Variants in ZNF737 observed in about 807,000 individuals in gnomAD.
ZNF737 encodes the protein zinc finger protein 102 (Y3).
A neutral mutation model predicts 11.7 loss-of-function variants in ZNF737; 13 were observed. The observed-to-expected ratio is 1.11, with a 90% CI of 0.73 to 1.77. The LOEUF is 1.77. ZNF737 is among the 40% of genes most tolerant of loss of function. The pLI, the probability that ZNF737 is intolerant of heterozygous loss-of-function variation, is 0.00. For missense variants in ZNF737, 636 were observed against 638.0 expected, an observed-to-expected ratio of 1.00 and a Z score of 0.03; for synonymous variants, 217 against 216.2, an observed-to-expected ratio of 1.00 and a Z score of -0.03.
downstream of ZNF737, among the ~76,000 whole-genome samples, chr19:20,537,758 A>T (rs1968036361): frequency 2.0e-5 from 3 of 151,388 alleles, no homozygotes; most frequent in Non-Finnish European, 4.4e-5. Context: ...CTCTTGATCC[A>T]CCCACCTCGG....
intron 1 of ZNF737, among the ~76,000 whole-genome samples, chr19:20,556,881 AGG>A (rs1968908523): frequency 6.6e-6 from 1 of 152,212 alleles, no homozygotes; most frequent in Non-Finnish European, 1.5e-5. Context: ...ATAACACATT[AGG>A]TGATTTAATT....
At chr19:20,548,003 G>A (rs1371099408) in intron 3 of ZNF737, among the ~76,000 whole-genome samples, 1 of 152,068 alleles carries the variant, frequency 6.6e-6, no homozygotes, top group South Asian at 2.1e-4. Flanking sequence ...TTAGCTTGGC[G>A]ATGTGACGTG....
At chr19:20,531,042 A>G (rs1426163262), downstream of ZNF737, among the ~76,000 whole-genome samples, 3 of 146,946 alleles carry the variant, frequency 2.0e-5, no homozygotes, top group Non-Finnish European at 3.0e-5. Context: ...CCCGGCCAAC[A>G]CAGCAAAACC....
At chr19:20,561,892 C>T (rs1163857131) in intron 1 of ZNF737, among the ~76,000 whole-genome samples, 1 of 152,168 alleles carries the variant, frequency 6.6e-6, no homozygotes, top group African/African-American at 2.4e-5. Context: ...CAAACCACTG[C>T]AGTGATGTTT....
At chr19:20,557,618 ATTTTT>A (rs34710395) in intron 1 of ZNF737, among the ~76,000 whole-genome samples, 1 of 144,342 alleles carries the variant, frequency 6.9e-6, no homozygotes. Flanking sequence ...TTCTAGGGTA[ATTTTT>A]TTTTTTTTTT....
At chr19:20,534,760 C>T (rs1191111543), downstream of ZNF737, among the ~76,000 whole-genome samples, 1 of 149,708 alleles carries the variant, frequency 6.7e-6, no homozygotes, top group Non-Finnish European at 1.5e-5. Flanking sequence ...GATCAGTAGC[C>T]TCTTTCATAC....
the ZNF737 span, among the ~76,000 whole-genome samples, chr19:20,530,443 C>T: frequency 1.7e-4 from 25 of 149,530 alleles, no homozygotes; most frequent in Admixed American, 7.3e-4. Flanking sequence ...GGGTGGCTGC[C>T]GGGCGGAGAC....
downstream of ZNF737, among the ~76,000 whole-genome samples, chr19:20,534,492 C>CTAT (rs1967911313): frequency 1.1e-4 from 14 of 126,764 alleles, 1 homozygote; most frequent in African/African-American, 4.0e-4. Context: ...TATCTATCTA[C>CTAT]TGTCAGAGGA....
downstream of ZNF737, among the ~76,000 whole-genome samples, chr19:20,531,493 A>G (rs1225448735): frequency 1.3e-5 from 2 of 149,398 alleles, no homozygotes; most frequent in African/African-American, 5.0e-5. Context: ...GTCTTGCCCT[A>G]TTGCTTAGGA....
downstream of ZNF737, among the ~76,000 whole-genome samples, chr19:20,532,267 T>G (rs1338247630): frequency 4.7e-5 from 7 of 150,262 alleles, no homozygotes; most frequent in Admixed American, 4.6e-4. Flanking sequence ...TCACCTGGGC[T>G]GTGCAAACTG....
downstream of ZNF737, among the ~76,000 whole-genome samples, chr19:20,535,256 T>A: frequency 6.6e-6 from 1 of 151,690 alleles, no homozygotes; most frequent in Non-Finnish European, 1.5e-5. Flanking sequence ...CCAGCTTGGG[T>A]GACAGAATGA....
Position 20,538,134 on chromosome 19 carries a change from A to G in ZNF737, c.*6458T>C. 1.8e-6 allele frequency: 1 copy of G among 551,432 alleles called. No individual in the cohort carries two copies. 34.2% of individuals were successfully genotyped at this position (551,432 alleles called of 1,614,324 possible). On this transcript the variant is annotated 3_prime_UTR_variant, in exon 4 of 4. Coordinates refer to ENST00000427401, the MANE Select transcript of ZNF737 (RefSeq NM_001159293.2). ...TCAAAGACTTTTCTACCTAATTATG[A>G]ATAGTAACTTCTCTTAGAAGCAAAG...
intron 1 of ZNF737, among the ~76,000 whole-genome samples, chr19:20,557,765 T>C (rs1555761560): frequency 6.6e-6 from 1 of 151,872 alleles, no homozygotes; most frequent in Non-Finnish European, 1.5e-5. Context: ...TACAGGTGCA[T>C]GCCACCACGC....
In ZNF737 at chr19:20,544,946, A is replaced by G. The variant is rs1568426273; in HGVS notation, c.1257T>C (p.His419=). The change falls in exon 4 of 4, where the codon CAT becomes CAC. Residue 419 remains histidine (H), a synonymous_variant. Coordinates refer to ENST00000427401, the MANE Select transcript of ZNF737 (RefSeq NM_001159293.2). ...CACACTTGAAGGGTTGCTGTCCAGT[A>G]TGGATTATCTTATGTGTAGTAAGGG... The part of the protein sequence containing the change: ...SSSLTTHKII[H]TGQQPFKCEE... 6.2e-7 allele frequency: 1 copy of G among 1,612,946 alleles called. No individual in the cohort carries two copies. The highest frequency in any genetic ancestry group is 1.1e-5 in the South Asian group (1 of 90,922).
chr19:20,565,230 C>CG (rs1969251387), intron 1 of ZNF737, among the ~76,000 whole-genome samples: 4 of 152,152 alleles, frequency 2.6e-5, no homozygotes, highest in African/African-American at 9.7e-5. Context: ...CGACTGCGCC[C>CG]GGCCCCATAA....
rs1968225998 is a variant in ZNF737, at chr19:20,541,993, A to G, written c.*2599T>C. 3.1e-6 allele frequency: 3 copies of G among 979,622 alleles called. No individual in the cohort carries two copies. Among genetic ancestry groups the G allele is most frequent in the African/African-American group, 1.8e-5 (1 of 57,076 alleles). The allele number at this position is 979,622 out of a possible 1,614,324, so 60.7% of individuals were successfully genotyped here. ...ATACAAATAAAAAATTTAAATAATA[A>G]AGAGTCAAAATTTAATCTATGGGAA... is the stretch of plus-strand genomic sequence containing the variant. On this transcript the variant is annotated 3_prime_UTR_variant, in exon 4 of 4. Coordinates refer to ENST00000427401, the MANE Select transcript of ZNF737 (RefSeq NM_001159293.2).
chr19:20,538,770 T>C lies in ZNF737; in HGVS notation c.*5822A>G, dbSNP rs527315328. The C allele has an allele frequency of 1.0e-6, 1 of 985,428 alleles. No individual in the cohort carries two copies. Among genetic ancestry groups the C allele is most frequent in the East Asian group, 1.1e-4 (1 of 8,816 alleles). 61.0% of individuals were successfully genotyped at this position (985,428 alleles called of 1,614,324 possible). A position where few individuals can be genotyped will look rare whatever the true frequency, so the allele number is the denominator to read the frequency against. On this transcript the variant is annotated 3_prime_UTR_variant, in exon 4 of 4. Coordinates refer to ENST00000427401, the MANE Select transcript of ZNF737 (RefSeq NM_001159293.2). ...CCACATGCACCCAATAGAGTCTTAA[T>C]TTAATTGGGCTGTTATTTGCATAGC... is the stretch of plus-strand genomic sequence containing the variant.
At chr19:20,550,518 A>C (rs1192169451) in intron 3 of ZNF737, among the ~76,000 whole-genome samples, 1 of 152,234 alleles carries the variant, frequency 6.6e-6, no homozygotes, top group Non-Finnish European at 1.5e-5. Flanking sequence ...GAGTGACATC[A>C]GTAAAATGAA....
At chr19:20,564,650 C>CA (rs113601160) in intron 1 of ZNF737, among the ~76,000 whole-genome samples, 45,345 of 136,366 alleles carry the variant, frequency 0.33, 8,424 homozygotes, top group Non-Finnish European at 0.44. Flanking sequence ...GACTCCGTCT[C>CA]AAAAAAAAAA....
Sources: gnomAD v4.1 joint callset for allele counts (sites outside exome capture counted in the v4.1 genomes callset) on GRCh38, gnomAD v4.1.1 for gene constraint, MANE v1.5 for transcripts, NCBI Gene and HGNC (gene_info 2026-07-23, HGNC 2026-07-21) for gene names.